Variants in SMG6 observed in about 807,000 individuals in gnomAD.
SMG6 encodes SMG6 nonsense mediated mRNA decay factor.
Under a neutral mutation model 142.2 loss-of-function variants are expected in SMG6, and 66 were observed. The ratio of observed to expected loss-of-function variants is 0.46; its 90% confidence interval spans 0.38 to 0.57. SMG6 has a LOEUF of 0.57. Ranked by LOEUF, SMG6 falls within the 20% of genes least tolerant of loss-of-function variation. SMG6 has a pLI of 0.00. For synonymous variants in SMG6, 779 were observed against 702.4 expected (o/e 1.11, Z -1.72); for missense variants, 1,793 against 1,832.0 (o/e 0.98, Z 0.39).
chr17:2,087,190 T>A (rs1018985569), intron 13 of SMG6: 2 of 1,290,332 alleles, frequency 1.5e-6, no homozygotes, highest in Non-Finnish European at 2.0e-6. Context: ...CTGGCAAGAA[T>A]TGTAAGGACA....
At chr17:2,174,157 G>T (rs898756442) in intron 12 of SMG6, among the ~76,000 whole-genome samples, 1 of 152,132 alleles carries the variant, frequency 6.6e-6, no homozygotes, top group African/African-American at 2.4e-5. Flanking sequence ...CCAGTACTTT[G>T]GGAACATGAG....
chr17:2,234,247 T>C lies in SMG6; in HGVS notation c.2869+2245A>G, dbSNP rs545826366. On this transcript the variant is annotated intron_variant, in intron 10 of 18. Coordinates refer to ENST00000263073, the MANE Select transcript of SMG6 (RefSeq NM_017575.5). ...TTTTACCTGTATTTTCTTTTTTTTT[T>C]ACTTTTAATTCTTAATTATTATTAT... is the stretch of plus-strand genomic sequence containing the variant. Among the ~76,000 whole-genome samples the C allele has an allele frequency of 3.3e-5, 5 of 152,222 alleles. No individual in the cohort carries two copies. In the South Asian group the frequency reaches 8.3e-4, roughly 25 times the overall value.
intron 10 of SMG6, among the ~76,000 whole-genome samples, chr17:2,194,716 A>AC (rs1010840453): frequency 4.6e-5 from 7 of 151,322 alleles, no homozygotes; most frequent in African/African-American, 1.7e-4. Context: ...ACAAAACAAA[A>AC]AAAAAAAGAA....
chr17:2,269,575 C>T (rs547796594), intron 8 of SMG6, among the ~76,000 whole-genome samples: 4 of 152,214 alleles, frequency 2.6e-5, no homozygotes, highest in African/African-American at 4.8e-5. Flanking sequence ...CCTTTGCTAA[C>T]CAACTTTCAC....
chr17:2,198,724 A>G (rs1356434704), intron 10 of SMG6, among the ~76,000 whole-genome samples: 1 of 152,156 alleles, frequency 6.6e-6, no homozygotes. Flanking sequence ...AAACCGAAGA[A>G]GATCTGACAC....
intron 10 of SMG6, among the ~76,000 whole-genome samples, chr17:2,214,949 A>G (rs2072970484): frequency 6.6e-6 from 1 of 152,164 alleles, no homozygotes; most frequent in Non-Finnish European, 1.5e-5. Context: ...GTCTAGCCCT[A>G]AAGAACTGAG....
At position 2,185,092 on chromosome 17, in the gene SMG6, T is replaced by C. The variant is rs1193863115; in HGVS notation, c.3155+1571A>G. Among the ~76,000 whole-genome samples the C allele has an allele frequency of 1.3e-4, 19 of 149,592 alleles. No individual in the cohort carries two copies. The Admixed American group carries it at 1.3e-3, about 10-fold the overall frequency. On this transcript the variant is annotated intron_variant, in intron 12 of 18. Coordinates refer to ENST00000263073, the MANE Select transcript of SMG6 (RefSeq NM_017575.5). Reference sequence around the variant, plus strand: ...ATACAGAGATATATATACTCAAGGATATACAGACACAAACAGGTATAGACA... The same window carrying C: ...ATACAGAGATATATATACTCAAGGACATACAGACACAAACAGGTATAGACA...
chr17:2,267,018 T>C (rs778638953), intron 8 of SMG6, among the ~76,000 whole-genome samples: 1 of 152,182 alleles, frequency 6.6e-6, no homozygotes, highest in South Asian at 2.1e-4. Context: ...AGAAAGAGGC[T>C]CTAATGAACT....
chr17:2,139,429 T>C (rs1045675183), intron 13 of SMG6, among the ~76,000 whole-genome samples: 1 of 150,778 alleles, frequency 6.6e-6, no homozygotes, highest in South Asian at 2.1e-4. Context: ...TTTTTTCTTT[T>C]TTTTTTTTTT....
At chr17:2,141,242 TATA>T (rs977366081) in intron 13 of SMG6, among the ~76,000 whole-genome samples, 16 of 152,362 alleles carry the variant, frequency 1.1e-4, no homozygotes, top group East Asian at 3.9e-4. Context: ...CATAAAGTCC[TATA>T]ATATTTCGCA....
At chr17:2,273,760 G>A (rs569461856) in intron 8 of SMG6, among the ~76,000 whole-genome samples, 1 of 152,090 alleles carries the variant, frequency 6.6e-6, no homozygotes, top group Admixed American at 6.6e-5. Flanking sequence ...TCGCGCCACT[G>A]CACTCCACCC....
At chr17:2,105,946 A>G (rs1370389099) in intron 13 of SMG6, among the ~76,000 whole-genome samples, 1 of 152,246 alleles carries the variant, frequency 6.6e-6, no homozygotes, top group East Asian at 1.9e-4. Flanking sequence ...TCATGAAGAC[A>G]GGAAAATGGA....
At chr17:2,135,696 A>G (rs889110795) in intron 13 of SMG6, among the ~76,000 whole-genome samples, 2 of 152,136 alleles carry the variant, frequency 1.3e-5, no homozygotes, top group Non-Finnish European at 2.9e-5. Flanking sequence ...CTAAGTTTTG[A>G]CTGATTGATT....
At chr17:2,078,168 C>A (rs950937549) in intron 15 of SMG6, among the ~76,000 whole-genome samples, 1 of 152,072 alleles carries the variant, frequency 6.6e-6, no homozygotes, top group Non-Finnish European at 1.5e-5. Context: ...GCAAATGGCA[C>A]CTTCTGGGGC....
chr17:2,297,782 T>C (rs2075176009), intron 3 of SMG6, 81 bp downstream of exon 3: 1 of 1,474,102 alleles, frequency 6.8e-7, no homozygotes, highest in Non-Finnish European at 9.2e-7. Context: ...TTCTAAAACA[T>C]AGTATTTCAG....
At chr17:2,298,299 C>T (rs974703997) in intron 2 of SMG6, among the ~76,000 whole-genome samples, 20 of 152,200 alleles carry the variant, frequency 1.3e-4, no homozygotes, top group African/African-American at 4.8e-4. Context: ...GAAATAAGAT[C>T]TTCACTGCAA....
chr17:2,222,883 G>C (rs1215140727), intron 10 of SMG6, among the ~76,000 whole-genome samples: 1 of 152,142 alleles, frequency 6.6e-6, no homozygotes, highest in African/African-American at 2.4e-5. Context: ...TCCCTAGCAG[G>C]CATCTGAAAA....
At chr17:2,263,769 A>G (rs2074365950) in intron 8 of SMG6, among the ~76,000 whole-genome samples, 1 of 152,200 alleles carries the variant, frequency 6.6e-6, no homozygotes, top group Admixed American at 6.5e-5. Context: ...GGAGTCAAAC[A>G]AACAGCCCGC....
chr17:2,073,311 C>T (rs540626138), intron 15 of SMG6, among the ~76,000 whole-genome samples: 67 of 151,876 alleles, frequency 4.4e-4, no homozygotes, highest in Non-Finnish European at 7.7e-4. Flanking sequence ...CTCAAACTCC[C>T]GACCTCAGGT....
Sources: allele counts gnomAD v4.1 joint callset (sites outside exome capture counted in the v4.1 genomes callset), GRCh38; gene constraint gnomAD v4.1.1; transcripts MANE v1.5; gene names NCBI Gene and HGNC (gene_info 2026-07-23, HGNC 2026-07-21).